The following PVT1 variants were observed in gnomAD, a reference collection of about 807,000 sequenced individuals.
PVT1 encodes Pvt1 oncogene.
intron 3 of PVT1, among the ~76,000 whole-genome samples, chr8:127,937,635 G>A (rs1350070134): frequency 2.0e-5 from 3 of 149,184 alleles, no homozygotes; most frequent in Non-Finnish European, 4.4e-5. Flanking sequence ...TAAATAGGTA[G>A]TGGGTTAACC....
At chr8:128,070,511 A>G (rs532464651) in intron 5 of PVT1, 19 of 152,352 alleles carry the variant, frequency 1.2e-4, no homozygotes, top group African/African-American at 4.6e-4. Flanking sequence ...CAGATGCATC[A>G]AAAAGGATGC....
At chr8:128,073,013 T>C (rs535583693) in intron 5 of PVT1, among the ~76,000 whole-genome samples, 162 of 152,114 alleles carry the variant, frequency 1.1e-3, no homozygotes, top group African/African-American at 3.9e-3. Context: ...TTTGTATTTT[T>C]AGTAGAGATG....
chr8:127,863,841 G>A (rs1815256088), intron 2 of PVT1, among the ~76,000 whole-genome samples: 1 of 152,190 alleles, frequency 6.6e-6, no homozygotes, highest in Admixed American at 6.5e-5. Context: ...GGATCCCTCA[G>A]GACCCTGTGT....
intron 3 of PVT1, among the ~76,000 whole-genome samples, chr8:127,911,247 G>A (rs1175337160): frequency 6.6e-6 from 1 of 152,230 alleles, no homozygotes; most frequent in Non-Finnish European, 1.5e-5. Context: ...TGCTTATGCT[G>A]TAGTGTTCCT....
chr8:128,062,656 C>A (rs1499363), intron 4 of PVT1, among the ~76,000 whole-genome samples: 29 of 152,174 alleles, frequency 1.9e-4, no homozygotes, highest in Non-Finnish European at 2.9e-4. Flanking sequence ...AAATATAGAC[C>A]TATAAAAACA....
chr8:127,828,739 C>G (rs983166471), intron 2 of PVT1, among the ~76,000 whole-genome samples: 10 of 152,170 alleles, frequency 6.6e-5, no homozygotes, highest in East Asian at 1.9e-4. Flanking sequence ...GGTCCGCCCC[C>G]CCAGACTCAT....
chr8:128,071,770 C>A (rs970673065), intron 5 of PVT1, among the ~76,000 whole-genome samples: 1 of 151,934 alleles, frequency 6.6e-6, no homozygotes, highest in Admixed American at 6.5e-5. Context: ...GAGCACTTAT[C>A]TTTGCCAGGT....
At chr8:127,889,396 C>G (rs1815571758) in intron 2 of PVT1, among the ~76,000 whole-genome samples, 2 of 151,696 alleles carry the variant, frequency 1.3e-5, no homozygotes, top group Admixed American at 1.3e-4. Context: ...TCACAAAGTG[C>G]TAGGATTACA....
At chr8:127,803,197 C>T (rs1265208218) in intron 2 of PVT1, 4 of 138,634 alleles carry the variant, frequency 2.9e-5, no homozygotes, top group African/African-American at 5.5e-5. Context: ...GGCGAGATCT[C>T]GGCTCACTGC....
At chr8:127,850,912 C>T (rs886369996) in intron 2 of PVT1, among the ~76,000 whole-genome samples, 11 of 151,078 alleles carry the variant, frequency 7.3e-5, no homozygotes, top group Non-Finnish European at 4.4e-5. Flanking sequence ...GAGGCTGAGG[C>T]AGGAGAATCA....
chr8:127,837,090 C>T (rs948069250), intron 2 of PVT1, among the ~76,000 whole-genome samples: 2 of 152,184 alleles, frequency 1.3e-5, no homozygotes, highest in East Asian at 1.9e-4. Context: ...GAAGTGGCAG[C>T]GCTCTTTGGA....
intron 4 of PVT1, among the ~76,000 whole-genome samples, chr8:128,021,483 C>T (rs1488573053): frequency 6.6e-6 from 1 of 152,062 alleles, no homozygotes; most frequent in East Asian, 1.9e-4. Context: ...TTAGTAGAGA[C>T]AGGGTTTCAC....
intron 2 of PVT1, among the ~76,000 whole-genome samples, chr8:127,841,456 TAG>T (rs1317128397): frequency 1.3e-5 from 2 of 151,954 alleles, no homozygotes; most frequent in African/African-American, 2.4e-5. Context: ...GTATTTTTAG[TAG>T]AGAGGGGGTT....
At chr8:127,812,028 G>A (rs1457285185) in intron 2 of PVT1, among the ~76,000 whole-genome samples, 1 of 151,596 alleles carries the variant, frequency 6.6e-6, no homozygotes, top group African/African-American at 2.4e-5. Flanking sequence ...GATCACTTGA[G>A]CCCAGGAGGT....
At chr8:127,986,317 T>A (rs1337228047) in intron 3 of PVT1, among the ~76,000 whole-genome samples, 1 of 152,146 alleles carries the variant, frequency 6.6e-6, no homozygotes, top group Non-Finnish European at 1.5e-5. Flanking sequence ...TCCTTGGCAC[T>A]CAGGCTCTTC....
chr8:128,039,751 C>T (rs1311838401), intron 4 of PVT1, among the ~76,000 whole-genome samples: 3 of 152,142 alleles, frequency 2.0e-5, no homozygotes, highest in Non-Finnish European at 4.4e-5. Context: ...TGAAAGTGGA[C>T]TGGAAGTGGC....
At chr8:128,060,618 C>A (rs947406637) in intron 4 of PVT1, among the ~76,000 whole-genome samples, 5 of 152,182 alleles carry the variant, frequency 3.3e-5, no homozygotes, top group Non-Finnish European at 7.3e-5. Context: ...TTCCTGAACA[C>A]CAATTATGCT....
intron 4 of PVT1, among the ~76,000 whole-genome samples, chr8:128,006,103 AAATAAT>A (rs201867936): frequency 0.019 from 2,222 of 119,278 alleles, 21 homozygotes; most frequent in Middle Eastern, 0.068. Context: ...ACCTTGTCTC[AAATAAT>A]AATAATAATA....
intron 3 of PVT1, among the ~76,000 whole-genome samples, chr8:127,901,777 T>C (rs957802516): frequency 2.6e-5 from 4 of 151,772 alleles, no homozygotes; most frequent in Non-Finnish European, 4.4e-5. Flanking sequence ...TCTAATTTTA[T>C]ATTTAATAGA....
Sources: gnomAD v4.1 joint callset for allele counts (sites outside exome capture counted in the v4.1 genomes callset) on GRCh38, gnomAD v4.1.1 for gene constraint, MANE v1.5 for transcripts, NCBI Gene and HGNC (gene_info 2026-07-23, HGNC 2026-07-21) for gene names.